Variants in UBXN7 observed in about 807,000 individuals in gnomAD.
UBXN7 encodes the protein UBX domain-containing protein 7.
Under a neutral mutation model 58.0 loss-of-function variants are expected in UBXN7, and 9 were observed. The observed-to-expected ratio is 0.16, with a 90% CI of 0.09 to 0.27. The LOEUF (loss-of-function observed/expected upper bound fraction) is 0.27. Among genes scored for constraint, UBXN7 ranks in the 10% least tolerant of loss-of-function variants. The pLI is 1.00. For missense variants in UBXN7, 328 were observed against 599.6 expected (o/e 0.55, Z 4.73); for synonymous variants, 208 against 205.0 (o/e 1.01, Z -0.12).
chr3:196,357,758 G>A (rs1728390508), intron 10 of UBXN7, among the ~76,000 whole-genome samples: 2 of 152,194 alleles, frequency 1.3e-5, no homozygotes, highest in African/African-American at 4.8e-5. Flanking sequence ...TACTTGGGAG[G>A]CTGAGGCAGA....
intron 5 of UBXN7, among the ~76,000 whole-genome samples, chr3:196,379,644 T>C (rs1729140358): frequency 6.6e-6 from 1 of 152,206 alleles, no homozygotes; most frequent in South Asian, 2.1e-4. Flanking sequence ...AAAGCATCTG[T>C]ATGGCGAGCG....
intron 3 of UBXN7, among the ~76,000 whole-genome samples, chr3:196,394,808 G>A (rs1729720050): frequency 6.6e-6 from 1 of 152,094 alleles, no homozygotes; most frequent in Non-Finnish European, 1.5e-5. Context: ...GGACCCACGT[G>A]CAGAACCATA....
In UBXN7 at chr3:196,415,136, G is replaced by A. The variant is rs935563395; in HGVS notation, c.74-7743C>T. On this transcript the variant is annotated intron_variant, in intron 1 of 10. Coordinates refer to ENST00000296328, the MANE Select transcript of UBXN7 (RefSeq NM_015562.2). ...TGTACATTGCCTCCAGTTACATTGT[G>A]TTGTATTATCATACTTCTTTTTTTT... Among the ~76,000 whole-genome samples the A allele has an allele frequency of 2.0e-5, 3 of 147,680 alleles. 1 individual carries two copies. The highest frequency in any genetic ancestry group is 2.0e-4 in the Admixed American group (3 of 14,840).
intron 1 of UBXN7, 116 bp downstream of exon 1, chr3:196,432,211 C>G: frequency 1.4e-6 from 2 of 1,414,398 alleles, no homozygotes; most frequent in Non-Finnish European, 2.0e-6. Context: ...GGAGGGAGGA[C>G]GGCAGCTGTG....
rs1730554517 is a variant in UBXN7, at chr3:196,417,967, C to T, written c.74-10574G>A. 1.3e-5 allele frequency among the ~76,000 whole-genome samples: 2 copies of T among 151,632 alleles called. 1 individual carries two copies. Among genetic ancestry groups the T allele is most frequent in the South Asian group, 4.2e-4 (2 of 4,790 alleles). On this transcript the variant is annotated intron_variant, in intron 1 of 10. Transcript: ENST00000296328. ...AATTCACATTAAAGAACTTGGGATACCTCTTAATTAGCAGTTAGCTATTAA... is the reference window on the plus strand; with the variant it reads ...AATTCACATTAAAGAACTTGGGATATCTCTTAATTAGCAGTTAGCTATTAA...
intron 6 of UBXN7, among the ~76,000 whole-genome samples, chr3:196,370,952 C>G (rs1027185922): frequency 6.6e-6 from 1 of 151,894 alleles, no homozygotes; most frequent in Non-Finnish European, 1.5e-5. Flanking sequence ...TCATTTGAGC[C>G]CAGGAGGTCA....
At chr3:196,401,266 A>C (rs1435544179) in intron 3 of UBXN7, among the ~76,000 whole-genome samples, 3 of 87,734 alleles carry the variant, frequency 3.4e-5, no homozygotes, top group South Asian at 7.5e-4. Context: ...AAAAAAAAAA[A>C]AAAAAAAAAT....
intron 1 of UBXN7, among the ~76,000 whole-genome samples, chr3:196,421,411 T>A (rs1730678625): frequency 6.6e-6 from 1 of 152,204 alleles, no homozygotes; most frequent in African/African-American, 2.4e-5. Flanking sequence ...CAGAAACGTT[T>A]ACAGCAATTT....
At chr3:196,365,602 CCAGA>C (rs773082408) in intron 8 of UBXN7, among the ~76,000 whole-genome samples, 8 of 152,130 alleles carry the variant, frequency 5.3e-5, no homozygotes, top group Non-Finnish European at 8.8e-5. Flanking sequence ...AAGCCTCTGG[CCAGA>C]CAGTCGGGGG....
chr3:196,374,164 T>C (rs543163602), intron 5 of UBXN7, among the ~76,000 whole-genome samples: 1 of 151,998 alleles, frequency 6.6e-6, no homozygotes, highest in African/African-American at 2.4e-5. Flanking sequence ...GCGCACATAT[T>C]CCTACAGCAG....
chr3:196,377,355 C>T (rs1217718579), intron 5 of UBXN7, among the ~76,000 whole-genome samples: 3 of 152,146 alleles, frequency 2.0e-5, no homozygotes, highest in African/African-American at 2.4e-5. Flanking sequence ...TGTATTTTCC[C>T]TCAGACCTCC....
chr3:196,383,294 GC>G (rs1729272746), intron 5 of UBXN7, among the ~76,000 whole-genome samples: 1 of 151,984 alleles, frequency 6.6e-6, no homozygotes, highest in Admixed American at 6.6e-5. Flanking sequence ...AATTCAAAAA[GC>G]AAGTCCTTAG....
At chr3:196,422,585 C>G (rs570032240) in intron 1 of UBXN7, among the ~76,000 whole-genome samples, 1 of 152,208 alleles carries the variant, frequency 6.6e-6, no homozygotes, top group South Asian at 2.1e-4. Context: ...GTGGGGGTCT[C>G]TCTTTGTTGT....
At chr3:196,403,317 C>G (rs1730050925) in intron 2 of UBXN7, among the ~76,000 whole-genome samples, 1 of 152,114 alleles carries the variant, frequency 6.6e-6, no homozygotes, top group Non-Finnish European at 1.5e-5. Context: ...ACCATCACAC[C>G]TGGCTAATTT....
intron 3 of UBXN7, among the ~76,000 whole-genome samples, chr3:196,394,312 T>A (rs938078388): frequency 1.5e-5 from 2 of 136,086 alleles, no homozygotes; most frequent in Non-Finnish European, 3.1e-5. Flanking sequence ...AAAAGTTTAC[T>A]ATCCTGGCCA....
chr3:196,375,181 T>TA (rs1180431396), intron 5 of UBXN7, among the ~76,000 whole-genome samples: 35 of 110,100 alleles, frequency 3.2e-4, no homozygotes, highest in Admixed American at 6.0e-4. Flanking sequence ...TAGGTGCTCT[T>TA]ACCACACACA....
chr3:196,379,488 C>G lies in UBXN7; in HGVS notation c.469-7446G>C, dbSNP rs145785747. Among the ~76,000 whole-genome samples the G allele has an allele frequency of 2.1e-3, 313 of 152,296 alleles. 2 individuals carry two copies. Among genetic ancestry groups the G allele is most frequent in the African/African-American group, 7.0e-3 (293 of 41,568 alleles). On this transcript the variant is annotated intron_variant, in intron 5 of 10. Transcript: ENST00000296328. ...GTTTTAAATGCTTCTGACATTTCCT[C>G]CCTCCCTTTTACAAGAGAACCCTTA...
At position 196,369,478 on chromosome 3, in the gene UBXN7, T is replaced by G; in HGVS notation, c.649A>C (p.Ile217Leu). Reference protein sequence around the residue: ...YHDSEEGQRYIQFYKLGDFPY... With the variant: ...YHDSEEGQRYLQFYKLGDFPY... The stretch of plus-strand genomic sequence containing the variant: ...AAATCCCCTAACTTATAAAACTGTA[T>G]GTATCTCTGACCTTCCTCACTGTCA... The change falls in exon 7 of 11, where the codon ATA becomes CTA. Residue 217 changes from isoleucine to leucine, a missense_variant. This residue lies in a region of UBXN7 where 126 missense variants were observed against 302.6 expected (regional missense o/e 0.42). Transcript: ENST00000296328. 1 of 1,613,510 alleles carries G rather than the reference T, an allele frequency of 6.2e-7. No homozygotes were observed. Among genetic ancestry groups the G allele is most frequent in the Non-Finnish European group, 8.5e-7 (1 of 1,179,698 alleles).
chr3:196,386,998 T>C (rs1432035122), intron 5 of UBXN7, among the ~76,000 whole-genome samples: 1 of 152,142 alleles, frequency 6.6e-6, no homozygotes, highest in African/African-American at 2.4e-5. Context: ...AGCATGGTAC[T>C]GGTACCGAAA....
Sources: gnomAD v4.1 joint callset for allele counts (sites outside exome capture counted in the v4.1 genomes callset) on GRCh38, gnomAD v4.1.1 for gene constraint, gnomAD v4.1.1 regional missense constraint, MANE v1.5 for transcripts, NCBI Gene and HGNC (gene_info 2026-07-23, HGNC 2026-07-21) for gene names.